PDPK1: variants seen among roughly 807,000 people sequenced by gnomAD.
The protein encoded by PDPK1 is 3-phosphoinositide dependent protein kinase 1.
In PDPK1, 7 loss-of-function variants were observed where a neutral mutation model predicts 39.8. The observed-to-expected ratio is 0.18, with a 90% CI of 0.10 to 0.33. The LOEUF is 0.33. PDPK1 is among the 10% of genes least tolerant of loss of function. The pLI is 1.00. For synonymous variants in PDPK1, 118 were observed against 159.1 expected (o/e 0.74, Z 1.95); for missense variants, 182 against 384.7 (o/e 0.47, Z 4.41).
At chr16:2,546,590 A>G (rs888153006) in intron 1 of PDPK1, among the ~76,000 whole-genome samples, 1 of 152,114 alleles carries the variant, frequency 6.6e-6, no homozygotes, top group African/African-American at 2.4e-5. Context: ...TTGGCCTCCC[A>G]AAGTGCTGGG....
intron 1 of PDPK1, among the ~76,000 whole-genome samples, chr16:2,544,838 C>T (rs1449158285): frequency 2.0e-5 from 3 of 152,070 alleles, no homozygotes; most frequent in Non-Finnish European, 4.4e-5. Context: ...CCCACCTCGG[C>T]CTCCCAAAGT....
At chr16:2,541,553 C>T (rs1293557160) in intron 1 of PDPK1, among the ~76,000 whole-genome samples, 1 of 152,162 alleles carries the variant, frequency 6.6e-6, no homozygotes, top group African/African-American at 2.4e-5. Context: ...CAGAGAAGCC[C>T]TGGGTGCAGA....
At position 2,599,019 on chromosome 16, in the gene PDPK1, G is replaced by C. The variant is rs376035884; in HGVS notation, c.*1252G>C. On this transcript the variant is annotated 3_prime_UTR_variant, in exon 14 of 14. Transcript: ENST00000342085. ...ACACTTCAACCCCAGCTTGCTGGTCGGCTTTCCTCTAGAGAGAGCCGGTTT... is the reference window on the plus strand; with the variant it reads ...ACACTTCAACCCCAGCTTGCTGGTCCGCTTTCCTCTAGAGAGAGCCGGTTT... 7 of 233,232 alleles carry C rather than the reference G, an allele frequency of 3.0e-5. No individual in the cohort carries two copies. Among genetic ancestry groups the C allele is most frequent in the African/African-American group, 8.8e-5 (4 of 45,346 alleles). The allele number at this position is 233,232 out of a possible 1,614,324, so 14.4% of individuals were successfully genotyped here.
At chr16:2,558,014 GGCTCA>G (rs2066535891) in intron 2 of PDPK1, 51 bp downstream of exon 2, 1 of 1,599,598 alleles carries the variant, frequency 6.3e-7, no homozygotes, top group African/African-American at 1.3e-5. Flanking sequence ...TCCTTGGGGA[GGCTCA>G]CCTTCCTCGG....
chr16:2,560,262 T>C (rs1368878796), intron 2 of PDPK1, among the ~76,000 whole-genome samples: 2 of 152,128 alleles, frequency 1.3e-5, no homozygotes, highest in Non-Finnish European at 2.9e-5. Flanking sequence ...TTTCTTCCTC[T>C]TTTCTACTTA....
intron 6 of PDPK1, 74 bp from the exon 7 acceptor site, chr16:2,577,351 G>C (rs1226451064): frequency 2.7e-6 from 2 of 730,584 alleles, no homozygotes; most frequent in African/African-American, 3.7e-5. Flanking sequence ...GGTCCGCCAT[G>C]TGCGACACCC....
intron 1 of PDPK1, among the ~76,000 whole-genome samples, chr16:2,543,539 T>A (rs1363360608): frequency 1.4e-5 from 2 of 139,286 alleles, no homozygotes; most frequent in Non-Finnish European, 3.1e-5. Context: ...CAGGCTCGGA[T>A]GCCCGGCCAC....
intron 7 of PDPK1, chr16:2,579,218 C>T (rs1422159433): frequency 6.2e-5 from 3 of 48,760 alleles, no homozygotes; most frequent in South Asian, 7.4e-4. Flanking sequence ...TGGCATCCAG[C>T]GGGGGAGGCG....
intron 1 of PDPK1, among the ~76,000 whole-genome samples, chr16:2,543,624 T>G (rs1463322500): frequency 6.6e-6 from 1 of 151,480 alleles, no homozygotes; most frequent in African/African-American, 2.4e-5. Flanking sequence ...GCAGTTCTTG[T>G]CTTCTTCAGG....
rs1050302803 is a variant in PDPK1 at position 2,601,932 on chromosome 16, C to G, written c.*4165C>G. 1 of 232,274 alleles carries G rather than the reference C, an allele frequency of 4.3e-6. No homozygotes were observed. The highest frequency in any genetic ancestry group is 8.6e-6 in the Non-Finnish European group (1 of 116,856). The allele number at this position is 232,274 out of a possible 1,614,324, so 14.4% of individuals were successfully genotyped here. A position where few individuals can be genotyped will look rare whatever the true frequency, so the allele number is the denominator to read the frequency against. On this transcript the variant is annotated 3_prime_UTR_variant, in exon 14 of 14. Coordinates refer to ENST00000342085, the MANE Select transcript of PDPK1 (RefSeq NM_002613.5). ...GGGGTCCATTGATTGTGCAGGGGAACGTGCAGGAGGTTTTTCTAGGCACCG... is the reference window on the plus strand; with the variant it reads ...GGGGTCCATTGATTGTGCAGGGGAAGGTGCAGGAGGTTTTTCTAGGCACCG...
intron 10 of PDPK1, among the ~76,000 whole-genome samples, chr16:2,586,215 A>G (rs911689740): frequency 1.3e-5 from 2 of 152,250 alleles, no homozygotes; most frequent in African/African-American, 2.4e-5. Context: ...TTTAGCATCT[A>G]CCACAGACTC....
Position 2,599,439 on chromosome 16 carries a change from G to C in PDPK1, c.*1672G>C, listed in dbSNP as rs2067168851. On this transcript the variant is annotated 3_prime_UTR_variant, in exon 14 of 14. Transcript: ENST00000342085. The stretch of plus-strand genomic sequence containing the variant: ...TACAGACGGGGCCTGGGAGGGGGCA[G>C]AGATGTTCCCCAGGCCCTGCCTGTG... The C allele has an allele frequency of 4.3e-6, 1 of 233,166 alleles. No individual in the cohort carries two copies. Among genetic ancestry groups the C allele is most frequent in the South Asian group, 1.8e-4 (1 of 5,518 alleles). 14.4% of individuals were successfully genotyped at this position (233,166 alleles called of 1,614,324 possible).
At chr16:2,595,972 C>T (rs902461028) in intron 12 of PDPK1, 122 bp downstream of exon 12, 25 of 783,266 alleles carry the variant, frequency 3.2e-5, no homozygotes, top group Middle Eastern at 3.5e-4. Context: ...CAGACATCAT[C>T]TCTAGATTTC....
intron 1 of PDPK1, among the ~76,000 whole-genome samples, chr16:2,550,120 C>T (rs2066387158): frequency 6.8e-6 from 1 of 146,652 alleles, no homozygotes; most frequent in Non-Finnish European, 1.5e-5. Context: ...AGAAAGGATG[C>T]CGATGGTACC....
rs978306054 is a variant in PDPK1 at position 2,602,800 on chromosome 16, A to G, written c.*5033A>G. ...AGCAAAAATTAAAAGAACTTATGAA[A>G]ACAAATGCAATGATACTAGGATATA... is the stretch of plus-strand genomic sequence containing the variant. On this transcript the variant is annotated 3_prime_UTR_variant, in exon 14 of 14. Coordinates refer to ENST00000342085, the MANE Select transcript of PDPK1 (RefSeq NM_002613.5). The G allele has an allele frequency of 1.3e-5, 3 of 234,282 alleles. No individual in the cohort carries two copies. The highest frequency in any genetic ancestry group is 6.6e-5 in the African/African-American group (3 of 45,344). 14.5% of individuals were successfully genotyped at this position (234,282 alleles called of 1,614,324 possible). A position where few individuals can be genotyped will look rare whatever the true frequency, so the allele number is the denominator to read the frequency against.
chr16:2,588,388 G>A (rs1466510292), intron 11 of PDPK1, among the ~76,000 whole-genome samples: 1 of 152,204 alleles, frequency 6.6e-6, no homozygotes, highest in Non-Finnish European at 1.5e-5. Flanking sequence ...GGGCTCGTGT[G>A]TGCTGGGGTC....
At chr16:2,544,663 A>C (rs1421564575) in intron 1 of PDPK1, among the ~76,000 whole-genome samples, 2 of 151,788 alleles carry the variant, frequency 1.3e-5, no homozygotes, top group Non-Finnish European at 2.9e-5. Context: ...GGCTCACTGC[A>C]AGCTCCGCCT....
Position 2,573,752 on chromosome 16 carries a change from T to A in PDPK1, c.710-3673T>A, listed in dbSNP as rs1382953824. Reference sequence around the variant, plus strand: ...GTCTCGGGAAGAAAAAAAAAAAAAATAGAATTGTGAATTTTCTTCCCTTTT... The same window carrying A: ...GTCTCGGGAAGAAAAAAAAAAAAAAAAGAATTGTGAATTTTCTTCCCTTTT... On this transcript the variant is annotated intron_variant, in intron 6 of 13. Coordinates refer to ENST00000342085, the MANE Select transcript of PDPK1 (RefSeq NM_002613.5). 2.2e-4 allele frequency among the ~76,000 whole-genome samples: 30 copies of A among 138,362 alleles called. 1 individual carries two copies. In the East Asian group the frequency reaches 3.5e-3, roughly 16 times the overall value. 90.8% of individuals were successfully genotyped at this position (138,362 alleles called of 152,430 possible).
chr16:2,544,579 A>G (rs934057868), intron 1 of PDPK1, among the ~76,000 whole-genome samples: 2 of 149,072 alleles, frequency 1.3e-5, no homozygotes, highest in African/African-American at 5.0e-5. Context: ...TTACCCCCTC[A>G]CCTCCCCCAA....
Sources: gnomAD v4.1 joint callset for allele counts (sites outside exome capture counted in the v4.1 genomes callset) on GRCh38, gnomAD v4.1.1 for gene constraint, MANE v1.5 for transcripts, NCBI Gene and HGNC (gene_info 2026-07-23, HGNC 2026-07-21) for gene names.